Variants in CNKSR3 observed in about 807,000 individuals in gnomAD.
CNKSR3 encodes the protein CNKSR family member 3.
Under a neutral mutation model 67.7 loss-of-function variants are expected in CNKSR3, and 36 were observed. The ratio of observed to expected loss-of-function variants is 0.53; its 90% CI spans 0.41 to 0.70. The LOEUF is 0.70. Among genes scored for constraint, CNKSR3 ranks in the 30% least tolerant of loss-of-function variants. The probability of loss-of-function intolerance (pLI) is 0.00; values close to 1 mark genes in which losing one functional copy is unlikely to be tolerated. For missense variants in CNKSR3, 630 were observed against 695.2 expected (o/e 0.91, Z 1.05); for synonymous variants, 281 against 271.4 (o/e 1.04, Z -0.35).
chr6:154,510,008 C>G, intron 1 of CNKSR3, 55 bp downstream of exon 1: 1 of 1,595,526 alleles, frequency 6.3e-7, no homozygotes. Context: ...CCCAGCTCCT[C>G]GTCCGCCCCA....
intron 9 of CNKSR3, among the ~76,000 whole-genome samples, chr6:154,421,419 T>C (rs1785140894): frequency 1.3e-5 from 2 of 152,224 alleles, no homozygotes; most frequent in African/African-American, 2.4e-5. Flanking sequence ...TGTTCTTCCA[T>C]AGGAAGACAT....
At position 154,411,075 on chromosome 6, in the gene CNKSR3, C is replaced by A. The variant is rs755309277; in HGVS notation, c.1138G>T (p.Gly380Cys). The part of the protein sequence containing the change: ...KCKQPLPGPK[G>C]SESPNSFLDQ... ...AAGAAGGAATTCGGGGACTCTGAACCCTTAGGACCAGGCAATGGTTGTTTG... is the reference window on the plus strand; with the variant it reads ...AAGAAGGAATTCGGGGACTCTGAACACTTAGGACCAGGCAATGGTTGTTTG... The change falls in exon 11 of 13, where the codon GGT (glycine) becomes TGT (cysteine). Residue 380 changes from glycine (G) to cysteine (C), a missense_variant. Coordinates refer to ENST00000607772, the MANE Select transcript of CNKSR3 (RefSeq NM_173515.4). 2 of 1,614,058 alleles carry A rather than the reference C, an allele frequency of 1.2e-6. No individual in the cohort carries two copies. Among genetic ancestry groups the A allele is most frequent in the Non-Finnish European group, 1.7e-6 (2 of 1,179,988 alleles).
At position 154,412,084 on chromosome 6, in the gene CNKSR3, T is replaced by C. The variant is rs1237345812; in HGVS notation, c.1071-942A>G. 2.0e-5 allele frequency among the ~76,000 whole-genome samples: 3 copies of C among 152,164 alleles called. No homozygotes were observed. The East Asian group carries it at 5.8e-4, about 29-fold the overall frequency. Reference sequence around the variant, plus strand: ...CACTTGGTAAATTCCATTAGGCAAATCAGGACAAAAACTGCTAGACAAAAT... The same window carrying C: ...CACTTGGTAAATTCCATTAGGCAAACCAGGACAAAAACTGCTAGACAAAAT... On this transcript the variant is annotated intron_variant, in intron 10 of 12. Transcript: ENST00000607772.
intron 9 of CNKSR3, among the ~76,000 whole-genome samples, chr6:154,421,836 AGAG>A (rs1233272488): frequency 1.3e-5 from 2 of 152,122 alleles, no homozygotes; most frequent in African/African-American, 2.4e-5. Flanking sequence ...TTGAAATGAG[AGAG>A]GAGAAGGACT....
At position 154,411,162 on chromosome 6, in the gene CNKSR3, A is replaced by G; in HGVS notation, c.1071-20T>C. 3 of 1,549,202 alleles carry G rather than the reference A, an allele frequency of 1.9e-6. No homozygotes were observed. Among genetic ancestry groups the G allele is most frequent in the Non-Finnish European group, 2.7e-6 (3 of 1,123,494 alleles). ...TCATCCCTGGAAGATAATATGGACA[A>G]TAATTAAGTTGTTTACAAAGATGTT... On this transcript the variant is annotated intron_variant, in intron 10 of 12. Coordinates refer to ENST00000607772, the MANE Select transcript of CNKSR3 (RefSeq NM_173515.4).
In CNKSR3 at chr6:154,390,704, A is replaced by G. The variant is rs957647982; in HGVS notation, c.*15650T>C. The G allele has an allele frequency of 5.9e-5, 9 of 152,062 alleles. No homozygotes were observed. The highest frequency in any genetic ancestry group is 1.7e-4 in the African/African-American group (7 of 41,384). 9.4% of individuals were successfully genotyped at this position (152,062 alleles called of 1,614,324 possible). A position where few individuals can be genotyped will look rare whatever the true frequency, so the allele number is the denominator to read the frequency against. On this transcript the variant is annotated 3_prime_UTR_variant, in exon 13 of 13. Coordinates refer to ENST00000607772, the MANE Select transcript of CNKSR3 (RefSeq NM_173515.4). Reference sequence around the variant, plus strand: ...TGGGGCTGCCATAACAAAATACCACAGACTGGGTAGCTTAAACAACAGAAA... The same window carrying G: ...TGGGGCTGCCATAACAAAATACCACGGACTGGGTAGCTTAAACAACAGAAA...
chr6:154,484,001 G>C (rs1249594155), intron 1 of CNKSR3, among the ~76,000 whole-genome samples: 2 of 152,170 alleles, frequency 1.3e-5, no homozygotes, highest in African/African-American at 2.4e-5. Flanking sequence ...GGTTTTATGG[G>C]ATCTGGGGAA....
chr6:154,439,292 C>T (rs1210638815), intron 4 of CNKSR3, among the ~76,000 whole-genome samples: 1 of 152,192 alleles, frequency 6.6e-6, no homozygotes, highest in Non-Finnish European at 1.5e-5. Flanking sequence ...TCTGGTATCC[C>T]AGGGCAGCAG....
intron 1 of CNKSR3, among the ~76,000 whole-genome samples, chr6:154,463,954 T>C (rs777343661): frequency 1.3e-5 from 2 of 152,276 alleles, no homozygotes; most frequent in South Asian, 2.1e-4. Context: ...AAACCCCCGA[T>C]AGCAGAAAGT....
chr6:154,493,071 C>T (rs1786812919), intron 1 of CNKSR3, among the ~76,000 whole-genome samples: 1 of 152,146 alleles, frequency 6.6e-6, no homozygotes, highest in African/African-American at 2.4e-5. Context: ...CCCCCAATAG[C>T]TCCCCAAAAC....
At position 154,485,660 on chromosome 6, in the gene CNKSR3, T is replaced by C. The variant is rs75455097; in HGVS notation, c.52+24403A>G. Among the ~76,000 whole-genome samples, 866 of 152,320 alleles carry C rather than the reference T, an allele frequency of 5.7e-3. 7 individuals carry two copies. Among genetic ancestry groups the C allele is most frequent in the African/African-American group, 0.02 (815 of 41,576 alleles). ...AGGTTACTCCCTGCAAGGCGCCTCT[T>C]TGACACGGTGGGCATCATTCTTTCT... On this transcript the variant is annotated intron_variant, in intron 1 of 12. Transcript: ENST00000607772.
At chr6:154,470,188 C>CTTT (rs869154714) in intron 1 of CNKSR3, among the ~76,000 whole-genome samples, 725 of 68,736 alleles carry the variant, frequency 0.011, 95 homozygotes, top group South Asian at 0.018. Context: ...ACTTTCTTTC[C>CTTT]TTTTTTTTTT....
chr6:154,480,770 T>A (rs760201284), intron 1 of CNKSR3, among the ~76,000 whole-genome samples: 9 of 152,206 alleles, frequency 5.9e-5, no homozygotes, highest in Non-Finnish European at 1.3e-4. Flanking sequence ...GAAAGCCAGA[T>A]TAAAACAGTT....
intron 1 of CNKSR3, among the ~76,000 whole-genome samples, chr6:154,493,625 T>A (rs895936379): frequency 3.3e-5 from 5 of 152,188 alleles, no homozygotes; most frequent in Non-Finnish European, 5.9e-5. Context: ...TACCTGAGAC[T>A]GGGTAATTTA....
Position 154,387,738 on chromosome 6 carries a change from CAT to C in CNKSR3, c.*18614_*18615del, listed in dbSNP as rs1784565234. ...TCAAGCTTTGGAAATTAGAAACAAA[CAT>C]ATTCAATGCTTTTTGAAAAATCAGG... On this transcript the variant is annotated 3_prime_UTR_variant, in exon 13 of 13. Transcript: ENST00000607772. The C allele has an allele frequency of 6.6e-6, 1 of 152,124 alleles. No homozygotes were observed. The highest frequency in any genetic ancestry group is 2.1e-4 in the South Asian group (1 of 4,824). 9.4% of individuals were successfully genotyped at this position (152,124 alleles called of 1,614,324 possible).
chr6:154,474,681 G>A (rs1186472411), intron 1 of CNKSR3, among the ~76,000 whole-genome samples: 4 of 152,202 alleles, frequency 2.6e-5, no homozygotes, highest in African/African-American at 4.8e-5. Flanking sequence ...TGGCACAGCC[G>A]TAGACTATAG....
At chr6:154,505,782 G>A (rs992921821) in intron 1 of CNKSR3, among the ~76,000 whole-genome samples, 8 of 148,800 alleles carry the variant, frequency 5.4e-5, no homozygotes, top group Non-Finnish European at 8.9e-5. Context: ...TTACAGGCGT[G>A]AGCCACCGCG....
At chr6:154,415,108 A>C (rs200490695) in intron 9 of CNKSR3, among the ~76,000 whole-genome samples, 10 of 84,354 alleles carry the variant, frequency 1.2e-4, no homozygotes, top group Non-Finnish European at 3.0e-4. Flanking sequence ...AAAAAAAAAA[A>C]AAAAAAAAAA....
intron 4 of CNKSR3, among the ~76,000 whole-genome samples, chr6:154,439,107 G>T (rs1021883843): frequency 6.6e-6 from 1 of 152,114 alleles, no homozygotes; most frequent in African/African-American, 2.4e-5. Flanking sequence ...GCGGCTCTAG[G>T]CACGTATCTC....
Sources: allele counts gnomAD v4.1 joint callset (sites outside exome capture counted in the v4.1 genomes callset), GRCh38; gene constraint gnomAD v4.1.1; transcripts MANE v1.5; gene names NCBI Gene and HGNC (gene_info 2026-07-23, HGNC 2026-07-21).